The following RBM22 variants were observed in gnomAD, a reference collection of about 807,000 sequenced individuals.
RBM22 encodes the protein RNA binding motif protein 22.
RBM22 carries 1 observed loss-of-function variant against 50.1 expected under a neutral mutation model. The observed-to-expected ratio is 0.02, with a 90% CI of 0.01 to 0.09. The LOEUF (loss-of-function observed/expected upper bound fraction) is 0.09, where lower values mean the gene tolerates loss of function less well. RBM22 is among the 10% of genes least tolerant of loss of function. The pLI is 1.00. For missense variants in RBM22, 264 were observed against 529.3 expected (o/e 0.50, Z 4.92); for synonymous variants, 152 against 179.0 (o/e 0.85, Z 1.20).
Position 150,691,203 on chromosome 5 carries a change from A to G in RBM22, c.*548T>C, listed in dbSNP as rs1415451654. The G allele has an allele frequency of 6.6e-6, 1 of 152,300 alleles. No homozygotes were observed. Among genetic ancestry groups the G allele is most frequent in the African/African-American group, 2.4e-5 (1 of 41,414 alleles). 9.4% of individuals were successfully genotyped at this position (152,300 alleles called of 1,614,324 possible). ...CAGATTCCTTTAGGAATAAATGAGG[A>G]AAAGGAGAGGAAAGAGAAGATCTGG... On this transcript the variant is annotated 3_prime_UTR_variant, in exon 11 of 11. Coordinates refer to ENST00000199814, the MANE Select transcript of RBM22 (RefSeq NM_018047.3).
chr5:150,692,876 GA>G lies in RBM22; in HGVS notation c.1132+18del. On this transcript the variant is annotated intron_variant, in intron 10 of 10. Coordinates refer to ENST00000199814, the MANE Select transcript of RBM22 (RefSeq NM_018047.3). Reference sequence around the variant, plus strand: ...TTTCACAAGGATTTCTCTGGGCTAAGAAGGAAGATGGAAGTTACCTGGGGGT... The same window carrying G: ...TTTCACAAGGATTTCTCTGGGCTAAGAGGAAGATGGAAGTTACCTGGGGGT... 6.4e-7 allele frequency: 1 copy of G among 1,567,442 alleles called. No individual in the cohort carries two copies.
chr5:150,692,426 C>T (rs761679789), intron 10 of RBM22, among the ~76,000 whole-genome samples: 66 of 152,168 alleles, frequency 4.3e-4, no homozygotes, highest in African/African-American at 1.0e-3. Flanking sequence ...GTAAATTATA[C>T]GACCAGGCAC....
At chr5:150,692,159 G>T (rs1364433591) in intron 10 of RBM22, among the ~76,000 whole-genome samples, 2 of 152,106 alleles carry the variant, frequency 1.3e-5, no homozygotes, top group African/African-American at 4.8e-5. Context: ...TACCAGACAG[G>T]ATTCAGTCAG....
intron 3 of RBM22, 105 bp from the exon 4 acceptor site, chr5:150,698,736 T>C (rs941112004): frequency 6.4e-5 from 89 of 1,395,364 alleles, no homozygotes; most frequent in Non-Finnish European, 8.1e-5. Context: ...GAATGTAGGA[T>C]TTAGAAGAGA....
chr5:150,699,219 T>C (rs1436405048), intron 3 of RBM22, 23 bp downstream of exon 3: 3 of 1,580,226 alleles, frequency 1.9e-6, no homozygotes, highest in East Asian at 2.3e-5. Flanking sequence ...CAGAAATCAT[T>C]ACTCTTTAAC....
chr5:150,693,496 A>G (rs1759236337), intron 8 of RBM22, among the ~76,000 whole-genome samples, 189 bp from the exon 9 acceptor site: 1 of 152,220 alleles, frequency 6.6e-6, no homozygotes, highest in Non-Finnish European at 1.5e-5. Context: ...ACCTGGGTTC[A>G]AAAGCTGCTA....
rs1202489682 is a variant in RBM22, at chr5:150,695,535, T to G, written c.717A>C (p.Leu239=). The change falls in exon 7 of 11, where the codon CTA becomes CTC. Residue 239 remains leucine (L), a synonymous_variant. Transcript: ENST00000199814. ...AATCTGTCTCAGTAATGGTATCACCTAGACCACCAACATATAGTGTGGTGA... is the reference window on the plus strand; with the variant it reads ...AATCTGTCTCAGTAATGGTATCACCGAGACCACCAACATATAGTGTGGTGA... ...KTITTLYVGG[L]GDTITETDLR... 5 of 1,614,050 alleles carry G rather than the reference T, an allele frequency of 3.1e-6. No individual in the cohort carries two copies. In the South Asian group the frequency reaches 5.5e-5, roughly 18 times the overall value.
intron 2 of RBM22, among the ~76,000 whole-genome samples, chr5:150,699,783 C>T (rs1235829186): frequency 2.0e-5 from 3 of 152,192 alleles, no homozygotes; most frequent in Admixed American, 6.5e-5. Flanking sequence ...AGCTGTGGCC[C>T]GCCCACTTTA....
intron 2 of RBM22, among the ~76,000 whole-genome samples, chr5:150,700,039 C>T (rs1221166223): frequency 6.6e-6 from 1 of 152,184 alleles, no homozygotes; most frequent in East Asian, 1.9e-4. Context: ...AGATAAAGTA[C>T]ACTGGCCAAA....
chr5:150,700,859 G>A, intron 1 of RBM22, 73 bp downstream of exon 1: 1 of 1,613,706 alleles, frequency 6.2e-7, no homozygotes, highest in Admixed American at 1.7e-5. Flanking sequence ...CGCGCCGCAG[G>A]CCCTGTCCTG....
rs1759198312 is a variant in RBM22 at position 150,690,856 on chromosome 5, C to G, written c.*895G>C. On this transcript the variant is annotated 3_prime_UTR_variant, in exon 11 of 11. Coordinates refer to ENST00000199814, the MANE Select transcript of RBM22 (RefSeq NM_018047.3). ...CACATCAAATTTCCTTTACCATCTA[C>G]AATTCAGTTATATCCAAACACTCTA... 5 of 152,280 alleles carry G rather than the reference C, an allele frequency of 3.3e-5. No homozygotes were observed. Among genetic ancestry groups the G allele is most frequent in the Admixed American group, 3.3e-4 (5 of 15,282 alleles). The allele number at this position is 152,280 out of a possible 1,614,324, so 9.4% of individuals were successfully genotyped here. A position where few individuals can be genotyped will look rare whatever the true frequency, so the allele number is the denominator to read the frequency against.
At chr5:150,695,483 C>T in intron 7 of RBM22, 23 bp downstream of exon 7, 2 of 1,572,166 alleles carry the variant, frequency 1.3e-6, no homozygotes, top group Non-Finnish European at 1.7e-6. Context: ...GCAAAAATAA[C>T]TCTCTAACTT....
At position 150,692,912 on chromosome 5, in the gene RBM22, G is replaced by A; in HGVS notation, c.1115C>T (p.Ala372Val). The change falls in exon 10 of 11, where the codon GCT (alanine) becomes GTT (valine). Residue 372 changes from alanine (A) to valine (V), a missense_variant. Transcript: ENST00000199814. Reference sequence around the variant, plus strand: ...GAAGTTACCTGGGGGTGGGGGTGGAGCAATGCCAGGGGGCGGTGGCAGAGC... The same window carrying A: ...GAAGTTACCTGGGGGTGGGGGTGGAACAATGCCAGGGGGCGGTGGCAGAGC... ...NIALPPPPGI[A>V]PPPPPGFGPH... is the part of the protein sequence containing the mutation. 1.2e-6 allele frequency: 2 copies of A among 1,608,108 alleles called. No individual in the cohort carries two copies. The highest frequency in any genetic ancestry group is 1.7e-5 in the Admixed American group (1 of 58,864).
rs76117195 is a variant in RBM22, at chr5:150,692,284, G to C, written c.1133-403C>G. 3.2e-3 allele frequency among the ~76,000 whole-genome samples: 486 copies of C among 152,256 alleles called. 17 individuals carry two copies. The East Asian group carries it at 0.083, about 26-fold the overall frequency. ...GAAACCAGATTCTCTTCAGAGTATGGGCTCTCTGCCACAGGAGAACTGGCT... is the reference window on the plus strand; with the variant it reads ...GAAACCAGATTCTCTTCAGAGTATGCGCTCTCTGCCACAGGAGAACTGGCT... On this transcript the variant is annotated intron_variant, in intron 10 of 10. Coordinates refer to ENST00000199814, the MANE Select transcript of RBM22 (RefSeq NM_018047.3).
chr5:150,695,377 T>A, intron 7 of RBM22, 129 bp downstream of exon 7: 1 of 824,128 alleles, frequency 1.2e-6, no homozygotes, highest in East Asian at 2.5e-5. Context: ...CCAGTCAGCA[T>A]GATACTAACA....
At chr5:150,691,990 C>A in intron 10 of RBM22, 109 bp from the exon 11 acceptor site, 7 of 1,215,864 alleles carry the variant, frequency 5.8e-6, no homozygotes, top group Non-Finnish European at 7.6e-6. Context: ...TCAAGGTTGA[C>A]ACGGGGCTTA....
chr5:150,694,290 T>A (rs1166327711), intron 7 of RBM22, 50 bp from the exon 8 acceptor site: 2 of 1,568,112 alleles, frequency 1.3e-6, no homozygotes, highest in South Asian at 1.2e-5. Context: ...AAAAAAGATG[T>A]ACCCAGGAGA....
In RBM22 at chr5:150,695,669, C is replaced by T; in HGVS notation, c.583G>A (p.Asp195Asn). ...TAATAACGGTCTTTAATATTCTGAT[C>T]AGCAAGGGGGTCATCTGGATCTGTA... is the stretch of plus-strand genomic sequence containing the variant. ...KPTDPDDPLA[D>N]QNIKDRYYGI... Residue 195 changes from aspartate (D) to asparagine (N), a missense_variant, in exon 7 of 11, where the codon GAT (aspartate) becomes AAT (asparagine). Asp to Asn is a conservative substitution (Grantham distance 23, BLOSUM62 1). This residue lies in a region of RBM22 where 62 missense variants were observed against 102.6 expected (regional missense o/e 0.60). Coordinates refer to ENST00000199814, the MANE Select transcript of RBM22 (RefSeq NM_018047.3). 2 of 1,611,726 alleles carry T rather than the reference C, an allele frequency of 1.2e-6. No homozygotes were observed. The highest frequency in any genetic ancestry group is 1.7e-6 in the Non-Finnish European group (2 of 1,179,640).
rs1184298984 is a variant in RBM22 at position 150,696,138 on chromosome 5, C to T, written c.545+395G>A. Among the ~76,000 whole-genome samples the T allele has an allele frequency of 6.6e-6, 1 of 151,552 alleles. No homozygotes were observed. Among genetic ancestry groups the T allele is most frequent in the Non-Finnish European group, 1.5e-5 (1 of 67,948 alleles). The stretch of plus-strand genomic sequence containing the variant: ...ATTATTTTTTAGGGGGTGGGGTTAA[C>T]CAATCCCAAATTAAGAACTCCTAAT... On this transcript the variant is annotated intron_variant, in intron 6 of 10. Transcript: ENST00000199814. The surrounding 1 kb of genome is among the most constrained non-coding windows in gnomAD (Gnocchi z 4.3).
Sources: gnomAD v4.1 joint callset for allele counts (sites outside exome capture counted in the v4.1 genomes callset) on GRCh38, gnomAD v4.1.1 for gene constraint, gnomAD v4.1.1 regional missense constraint, Gnocchi (gnomAD v3.1) non-coding constraint, MANE v1.5 for transcripts, NCBI Gene and HGNC (gene_info 2026-07-23, HGNC 2026-07-21) for gene names.